EPHA3: variants seen among roughly 807,000 people sequenced by gnomAD.
EPHA3 encodes the protein ephrin type-A receptor 3.
Under a neutral mutation model 107.1 loss-of-function variants are expected in EPHA3, and 42 were observed. The ratio of observed to expected loss-of-function variants is 0.39; its 90% CI spans 0.31 to 0.51. The LOEUF (loss-of-function observed/expected upper bound fraction) is 0.51, where lower values mean the gene tolerates loss of function less well. EPHA3 is among the 20% of genes least tolerant of loss of function. EPHA3 has a pLI of 0.78. For synonymous variants in EPHA3, 461 were observed against 424.8 expected (o/e 1.09, Z -1.05); for missense variants, 1,183 against 1,211.2 (o/e 0.98, Z 0.35).
chr3:89,130,095 A>C lies in EPHA3; in HGVS notation c.153+2822A>C, dbSNP rs367615889. On this transcript the variant is annotated intron_variant, in intron 2 of 16. Transcript: ENST00000336596. The stretch of plus-strand genomic sequence containing the variant: ...AATTTTTATTTTGCCTCGGTGGGAT[A>C]TTTGGCAATGTTTGAAGACTTTTGT... Among the ~76,000 whole-genome samples, 87 of 152,240 alleles carry C rather than the reference A, an allele frequency of 5.7e-4. 2 individuals are homozygous for C. The South Asian group carries it at 0.018, about 31-fold the overall frequency.
In EPHA3 at chr3:89,479,507, C is replaced by T. The variant is rs775371991; in HGVS notation, c.*5C>T. ...AATGGCCCAGTTCCCGTGTAAAGCACGGGACGGAAGTGCTTCTGGACGGAA... is the reference window on the plus strand; with the variant it reads ...AATGGCCCAGTTCCCGTGTAAAGCATGGGACGGAAGTGCTTCTGGACGGAA... On this transcript the variant is annotated 3_prime_UTR_variant, in exon 17 of 17. Transcript: ENST00000336596. 2.5e-6 allele frequency: 4 copies of T among 1,610,210 alleles called. No individual in the cohort carries two copies. The highest frequency in any genetic ancestry group is 1.3e-5 in the African/African-American group (1 of 74,918).
At chr3:89,146,396 A>T (rs546058172) in intron 2 of EPHA3, among the ~76,000 whole-genome samples, 5 of 152,108 alleles carry the variant, frequency 3.3e-5, no homozygotes, top group Non-Finnish European at 7.4e-5. Context: ...ATGACAACTG[A>T]TGATGAGCTT....
intron 3 of EPHA3, among the ~76,000 whole-genome samples, chr3:89,256,486 G>A (rs982140839): frequency 1.3e-5 from 2 of 151,852 alleles, no homozygotes; most frequent in African/African-American, 4.8e-5. Context: ...CAGGAGAATC[G>A]CTTGGACTCA....
chr3:89,138,776 T>A lies in EPHA3; in HGVS notation c.153+11503T>A, dbSNP rs115858458. Among the ~76,000 whole-genome samples, 1,308 of 152,028 alleles carry A rather than the reference T, an allele frequency of 8.6e-3. 9 individuals are homozygous for A. Among genetic ancestry groups the A allele is most frequent in the East Asian group, 0.027 (141 of 5,166 alleles). The stretch of plus-strand genomic sequence containing the variant: ...TCAAGTAGAACTTTTATTATTTTGT[T>A]AAGACTCCAGGAAGGGCTATTCTTA... On this transcript the variant is annotated intron_variant, in intron 2 of 16. Transcript: ENST00000336596.
intron 15 of EPHA3, among the ~76,000 whole-genome samples, chr3:89,460,823 C>CTCTCTTTTTTTTTTTTT (rs1199238290): frequency 9.7e-6 from 1 of 103,032 alleles, no homozygotes; most frequent in Non-Finnish European, 2.1e-5. Flanking sequence ...CTCTGTCTCT[C>CTCTCTTTTTTTTTTTTT]TTTTTTTTTT....
At chr3:89,241,278 A>T (rs1401450612) in intron 3 of EPHA3, among the ~76,000 whole-genome samples, 2 of 152,152 alleles carry the variant, frequency 1.3e-5, no homozygotes, top group Non-Finnish European at 2.9e-5. Flanking sequence ...GGGAATTTTC[A>T]CACCACACAC....
chr3:89,351,658 C>T (rs1207992893), intron 5 of EPHA3, among the ~76,000 whole-genome samples: 1 of 151,046 alleles, frequency 6.6e-6, no homozygotes, highest in Non-Finnish European at 1.5e-5. Context: ...CCATATATTC[C>T]AGTGACAATT....
Position 89,479,809 on chromosome 3 carries a change from T to C in EPHA3, c.*307T>C, listed in dbSNP as rs1710590035. The C allele has an allele frequency of 3.7e-6, 1 of 269,562 alleles. No homozygotes were observed. Among genetic ancestry groups the C allele is most frequent in the African/African-American group, 2.2e-5 (1 of 46,248 alleles). 16.7% of individuals were successfully genotyped at this position (269,562 alleles called of 1,614,324 possible). ...ATAGCCATTGATCATAAACTGACTATCATAAAATCAAAACAAGTGAAATAA... is the reference window on the plus strand; with the variant it reads ...ATAGCCATTGATCATAAACTGACTACCATAAAATCAAAACAAGTGAAATAA... On this transcript the variant is annotated 3_prime_UTR_variant, in exon 17 of 17. Coordinates refer to ENST00000336596, the MANE Select transcript of EPHA3 (RefSeq NM_005233.6).
intron 11 of EPHA3, among the ~76,000 whole-genome samples, chr3:89,427,984 C>A (rs1709492074): frequency 6.6e-6 from 1 of 151,780 alleles, no homozygotes; most frequent in Admixed American, 6.6e-5. Flanking sequence ...ATATTTTCAG[C>A]TTTGTATAAT....
At chr3:89,450,891 G>A (rs1050644957) in intron 15 of EPHA3, among the ~76,000 whole-genome samples, 1 of 152,112 alleles carries the variant, frequency 6.6e-6, no homozygotes, top group Non-Finnish European at 1.5e-5. Context: ...GGTCAACAGA[G>A]CGAGACTCTC....
chr3:89,411,261 A>G (rs1709150254), intron 9 of EPHA3, among the ~76,000 whole-genome samples: 1 of 151,552 alleles, frequency 6.6e-6, no homozygotes, highest in Non-Finnish European at 1.5e-5. Flanking sequence ...CAGCTACTCC[A>G]CTCAGAGTTT....
chr3:89,273,978 G>A (rs963011827), intron 3 of EPHA3, among the ~76,000 whole-genome samples: 1 of 151,904 alleles, frequency 6.6e-6, no homozygotes, highest in Admixed American at 6.6e-5. Context: ...TAAATAGACA[G>A]TTATTTACAG....
intron 5 of EPHA3, among the ~76,000 whole-genome samples, chr3:89,372,809 C>T (rs768473662): frequency 1.3e-5 from 2 of 151,710 alleles, no homozygotes; most frequent in Non-Finnish European, 2.9e-5. Context: ...AATAACTTAA[C>T]ATCTGACTCT....
At chr3:89,315,955 T>G (rs576823695) in intron 3 of EPHA3, among the ~76,000 whole-genome samples, 8 of 151,974 alleles carry the variant, frequency 5.3e-5, no homozygotes, top group Non-Finnish European at 1.2e-4. Context: ...AGCCTGAGTG[T>G]GGTGACCCAC....
In EPHA3 at chr3:89,209,865, A is replaced by G. The variant is rs1194994728; in HGVS notation, c.159A>G (p.Glu53=). ...GTTTCTCTTTGATTCTTCAGTGGGA[A>G]GAGATCAGTGGTGTGGATGAACATT... ...GWISYPSHGW[E]EISGVDEHYT... Residue 53 remains glutamate, a synonymous_variant, in exon 3 of 17, where the codon GAA becomes GAG. Transcript: ENST00000336596. The G allele has an allele frequency of 1.3e-6, 2 of 1,591,054 alleles. No homozygotes were observed. Among genetic ancestry groups the G allele is most frequent in the Admixed American group, 1.7e-5 (1 of 57,786 alleles).
chr3:89,157,671 C>T (rs1222162899), intron 2 of EPHA3, among the ~76,000 whole-genome samples: 2 of 151,818 alleles, frequency 1.3e-5, no homozygotes, highest in African/African-American at 2.4e-5. Flanking sequence ...AAACTCTCTG[C>T]GGGCTGATGA....
chr3:89,187,698 G>T (rs1559591409), intron 2 of EPHA3, among the ~76,000 whole-genome samples: 1 of 152,062 alleles, frequency 6.6e-6, no homozygotes, highest in Non-Finnish European at 1.5e-5. Flanking sequence ...TTTACATGAT[G>T]TGCGAGAGTG....
At chr3:89,280,153 A>G (rs1192282795) in intron 3 of EPHA3, among the ~76,000 whole-genome samples, 3 of 152,160 alleles carry the variant, frequency 2.0e-5, no homozygotes, top group Admixed American at 2.0e-4. Flanking sequence ...TATTAAAATT[A>G]CAGATATTTA....
chr3:89,367,837 AGCTG>A (rs1559667281), intron 5 of EPHA3, among the ~76,000 whole-genome samples: 2 of 150,746 alleles, frequency 1.3e-5, no homozygotes. Flanking sequence ...AATTCTTCTC[AGCTG>A]GAAATAGTTG....
Sources: gnomAD v4.1 joint callset for allele counts (sites outside exome capture counted in the v4.1 genomes callset) on GRCh38, gnomAD v4.1.1 for gene constraint, MANE v1.5 for transcripts, NCBI Gene and HGNC (gene_info 2026-07-23, HGNC 2026-07-21) for gene names.